Variants in DNAH14 observed in about 807,000 individuals in gnomAD.
DNAH14 encodes dynein axonemal heavy chain 14.
DNAH14 carries 478 observed loss-of-function variants against 520.9 expected under a neutral mutation model. The observed-to-expected ratio is 0.92, with a 90% CI of 0.85 to 0.99. DNAH14 has a LOEUF of 0.99. DNAH14 is among the 50% of genes least tolerant of loss of function. The pLI is 0.00. For synonymous variants in DNAH14, 1,581 were observed against 1,757.2 expected (o/e 0.90, Z 2.51); for missense variants, 4,831 against 5,234.5 (o/e 0.92, Z 2.38).
intron 37 of DNAH14, among the ~76,000 whole-genome samples, chr1:225,187,883 T>C (rs1006164154): frequency 3.4e-4 from 51 of 151,910 alleles, no homozygotes; most frequent in Middle Eastern, 3.4e-3. Context: ...TTTTCCTGTT[T>C]TGTGAGTTCT....
At chr1:224,993,935 G>A (rs1321514402) in intron 8 of DNAH14, among the ~76,000 whole-genome samples, 3 of 151,638 alleles carry the variant, frequency 2.0e-5, no homozygotes, top group Non-Finnish European at 2.9e-5. Flanking sequence ...TTCTTCATTG[G>A]CTTTTTCGTT....
At chr1:225,126,505 G>C (rs1035446870) in intron 27 of DNAH14, among the ~76,000 whole-genome samples, 4 of 152,126 alleles carry the variant, frequency 2.6e-5, no homozygotes, top group Non-Finnish European at 5.9e-5. Flanking sequence ...AGAGCTGTTT[G>C]TAGTATTCTC....
chr1:225,151,612 G>A (rs1441233569), intron 31 of DNAH14, among the ~76,000 whole-genome samples: 1 of 152,224 alleles, frequency 6.6e-6, no homozygotes, highest in South Asian at 2.1e-4. Context: ...TTGGGAGACA[G>A]GCTGTGTTCC....
At chr1:225,149,651 C>T in intron 31 of DNAH14, among the ~76,000 whole-genome samples, 1 of 152,008 alleles carries the variant, frequency 6.6e-6, no homozygotes. Flanking sequence ...TAGCTGTATT[C>T]CTAGGTATTT....
intron 68 of DNAH14, among the ~76,000 whole-genome samples, chr1:225,338,815 G>C (rs921628143): frequency 6.6e-6 from 1 of 152,160 alleles, no homozygotes; most frequent in Non-Finnish European, 1.5e-5. Flanking sequence ...TTCTGGGTAA[G>C]CAAGTAATTG....
In DNAH14 at chr1:225,285,252, A is replaced by G. The variant is rs559773286; in HGVS notation, c.8272-4633A>G. The stretch of plus-strand genomic sequence containing the variant: ...GGAAAATCCTAAGGACAAGCAACCC[A>G]ATTAAAAATAAACAGGCCAGGCATG... On this transcript the variant is annotated intron_variant, in intron 54 of 85. Transcript: ENST00000682510. Among the ~76,000 whole-genome samples, 106 of 152,316 alleles carry G rather than the reference A, an allele frequency of 7.0e-4. 3 individuals are homozygous for G. The South Asian group carries it at 0.014, about 21-fold the overall frequency.
chr1:225,062,550 GAA>G (rs34829728), intron 17 of DNAH14, among the ~76,000 whole-genome samples: 2 of 151,490 alleles, frequency 1.3e-5, no homozygotes, highest in Admixed American at 6.6e-5. Flanking sequence ...AAGCTATGAA[GAA>G]AAAAAAAGCC....
intron 66 of DNAH14, among the ~76,000 whole-genome samples, chr1:225,334,359 C>T (rs1234899477): frequency 6.6e-6 from 1 of 152,168 alleles, no homozygotes; most frequent in East Asian, 1.9e-4. Context: ...CATGATGCTA[C>T]ATGCCTGTCA....
chr1:224,994,508 T>C (rs1036592659), intron 8 of DNAH14, among the ~76,000 whole-genome samples: 2 of 152,070 alleles, frequency 1.3e-5, no homozygotes, highest in East Asian at 1.9e-4. Context: ...TCTTTTTCTT[T>C]CCATTTGTGT....
At chr1:224,973,032 T>C (rs1419461247) in intron 7 of DNAH14, among the ~76,000 whole-genome samples, 3 of 152,222 alleles carry the variant, frequency 2.0e-5, no homozygotes, top group Non-Finnish European at 4.4e-5. Context: ...TCTAGGGTTC[T>C]GAGATACCAT....
intron 17 of DNAH14, among the ~76,000 whole-genome samples, chr1:225,056,980 G>A (rs142729765): frequency 0.74 from 112,376 of 152,114 alleles, 44,396 homozygotes; most frequent in Non-Finnish European, 0.88. Context: ...GTCCAGCTTT[G>A]TTCTTTTGAC....
At chr1:225,038,883 A>G (rs1251435909) in intron 12 of DNAH14, 60 bp downstream of exon 12, 5 of 1,353,212 alleles carry the variant, frequency 3.7e-6, no homozygotes, top group Non-Finnish European at 4.9e-6. Flanking sequence ...AATACATTTT[A>G]AAATTTAAAA....
intron 54 of DNAH14, among the ~76,000 whole-genome samples, chr1:225,279,760 A>C (rs972592470): frequency 1.7e-4 from 26 of 152,086 alleles, no homozygotes; most frequent in African/African-American, 6.0e-4. Context: ...ATTACAAGAC[A>C]TGAAAACAGA....
chr1:225,369,968 CTGAGGT>C (rs2095599414), intron 77 of DNAH14, among the ~76,000 whole-genome samples: 1 of 152,086 alleles, frequency 6.6e-6, no homozygotes, highest in African/African-American at 2.4e-5. Context: ...GGCGGATCAC[CTGAGGT>C]CAGGAGTTCA....
chr1:225,107,875 G>A (rs1029104166), intron 23 of DNAH14, among the ~76,000 whole-genome samples: 2 of 152,078 alleles, frequency 1.3e-5, no homozygotes, highest in Admixed American at 6.5e-5. Flanking sequence ...ACTTTGATTT[G>A]CATTTCCCTG....
intron 1 of DNAH14, among the ~76,000 whole-genome samples, chr1:224,930,814 G>A (rs1213805612): frequency 6.6e-6 from 1 of 152,204 alleles, no homozygotes; most frequent in African/African-American, 2.4e-5. Context: ...TAGCCAGGAT[G>A]ATCTCGATTT....
chr1:225,396,635 G>A (rs2096014969), intron 84 of DNAH14: 2 of 152,252 alleles, frequency 1.3e-5, no homozygotes, highest in South Asian at 2.1e-4. Flanking sequence ...GCCTAAGTTT[G>A]CTTTTTGCCT....
intron 46 of DNAH14, among the ~76,000 whole-genome samples, chr1:225,260,014 T>G (rs9286993): frequency 0.11 from 16,855 of 152,026 alleles, 1,433 homozygotes; most frequent in East Asian, 0.24. Flanking sequence ...TAAATAGTAT[T>G]CCATTATATA....
chr1:224,947,213 CA>C (rs2059902605), intron 1 of DNAH14, among the ~76,000 whole-genome samples: 1 of 152,098 alleles, frequency 6.6e-6, no homozygotes, highest in Admixed American at 6.6e-5. Context: ...CCACCGCACC[CA>C]ACCTCATCTA....
Sources: allele counts gnomAD v4.1 joint callset (sites outside exome capture counted in the v4.1 genomes callset), GRCh38; gene constraint gnomAD v4.1.1; transcripts MANE v1.5; gene names NCBI Gene and HGNC (gene_info 2026-07-23, HGNC 2026-07-21).